The following SMYD3 variants were observed in gnomAD, a reference collection of about 807,000 sequenced individuals.
The protein encoded by SMYD3 is SET and MYND domain containing 3, also known as histone-lysine N-methyltransferase SMYD3.
SMYD3 carries 36 observed loss-of-function variants against 57.7 expected under a neutral mutation model. That is an observed-to-expected ratio of 0.62 (90% CI 0.48 to 0.82). The LOEUF (loss-of-function observed/expected upper bound fraction) is 0.82. Among genes scored for constraint, SMYD3 ranks in the 40% least tolerant of loss-of-function variants. The pLI is 0.00. For missense variants in SMYD3, 515 were observed against 538.8 expected (o/e 0.96, Z 0.44); for synonymous variants, 211 against 195.0 (o/e 1.08, Z -0.68).
Position 246,506,851 on chromosome 1 carries a change from G to A in SMYD3, c.164+203C>T, listed in dbSNP as rs1046815513. 5.3e-5 allele frequency among the ~76,000 whole-genome samples: 8 copies of A among 152,154 alleles called. No homozygotes were observed. In the East Asian group the frequency reaches 7.8e-4, roughly 15 times the overall value. On this transcript the variant is annotated intron_variant, in intron 1 of 11. Coordinates refer to ENST00000490107, the MANE Select transcript of SMYD3 (RefSeq NM_001167740.2). ...GCCTGGGCCCCCTCCCAGCCCCGCTGCGGCAACCTAGGGGGGTGTCCGGGC... is the reference window on the plus strand; with the variant it reads ...GCCTGGGCCCCCTCCCAGCCCCGCTACGGCAACCTAGGGGGGTGTCCGGGC...
chr1:246,326,175 G>A, intron 5 of SMYD3: 2 of 406,988 alleles, frequency 4.9e-6, no homozygotes, highest in Non-Finnish European at 8.7e-6. Flanking sequence ...AATATTAATG[G>A]CATAAATATA....
intron 5 of SMYD3, among the ~76,000 whole-genome samples, chr1:246,039,808 G>A (rs1167437519): frequency 6.6e-6 from 1 of 152,130 alleles, no homozygotes; most frequent in Admixed American, 6.5e-5. Context: ...AAGGGCGCAG[G>A]TTCAGTACTC....
intron 5 of SMYD3, among the ~76,000 whole-genome samples, chr1:246,118,808 C>G (rs1055332056): frequency 1.1e-5 from 1 of 90,848 alleles, no homozygotes; most frequent in African/African-American, 4.9e-5. Flanking sequence ...GTATGAGGCA[C>G]GTGCTTTTTT....
chr1:245,802,575 C>T (rs965031144), intron 10 of SMYD3, among the ~76,000 whole-genome samples: 2 of 152,190 alleles, frequency 1.3e-5, no homozygotes, highest in African/African-American at 2.4e-5. Flanking sequence ...AACCATGCTT[C>T]AGCTACCCCT....
At chr1:245,955,851 T>C in intron 5 of SMYD3, 1 of 768,286 alleles carries the variant, frequency 1.3e-6, no homozygotes, top group South Asian at 6.0e-5. Context: ...TCATACTGCA[T>C]TGATGATTTT....
At chr1:246,016,203 G>A (rs1041103156) in intron 5 of SMYD3, among the ~76,000 whole-genome samples, 10 of 151,348 alleles carry the variant, frequency 6.6e-5, no homozygotes, top group Non-Finnish European at 1.0e-4. Flanking sequence ...GGAGTTCAAG[G>A]CCAGCCTGGG....
intron 10 of SMYD3, among the ~76,000 whole-genome samples, chr1:245,823,225 A>C (rs977112023): frequency 6.6e-6 from 1 of 152,194 alleles, no homozygotes; most frequent in Non-Finnish European, 1.5e-5. Context: ...TCTCTTCTAC[A>C]TTGTTCAGGA....
At chr1:246,266,351 G>A (rs12029350) in intron 5 of SMYD3, among the ~76,000 whole-genome samples, 31,096 of 151,840 alleles carry the variant, frequency 0.2, 3,951 homozygotes, top group East Asian at 0.57. Flanking sequence ...CAAACTGCGT[G>A]ACAGAATTAA....
chr1:246,095,919 TC>T (rs1353692075), intron 5 of SMYD3, among the ~76,000 whole-genome samples: 1 of 152,046 alleles, frequency 6.6e-6, no homozygotes, highest in Non-Finnish European at 1.5e-5. Flanking sequence ...GGCCTGAACA[TC>T]AACTTCAACT....
intron 5 of SMYD3, among the ~76,000 whole-genome samples, chr1:246,029,875 TCA>T (rs2059640062): frequency 6.6e-6 from 1 of 151,794 alleles, no homozygotes; most frequent in Non-Finnish European, 1.5e-5. Context: ...AAAAGGGAAC[TCA>T]CACACTGTTG....
At chr1:246,399,344 T>C (rs1479006072) in intron 1 of SMYD3, among the ~76,000 whole-genome samples, 1 of 151,440 alleles carries the variant, frequency 6.6e-6, no homozygotes, top group African/African-American at 2.4e-5. Flanking sequence ...TTTTTATTTA[T>C]TTATTTTTGA....
At chr1:246,356,135 C>T (rs1418428437) in intron 1 of SMYD3, among the ~76,000 whole-genome samples, 3 of 35,494 alleles carry the variant, frequency 8.5e-5, no homozygotes, top group East Asian at 2.9e-4. Flanking sequence ...AGCAGTCACT[C>T]CCCAGTACCA....
At chr1:246,183,357 T>C (rs992669630) in intron 5 of SMYD3, among the ~76,000 whole-genome samples, 1 of 151,970 alleles carries the variant, frequency 6.6e-6, no homozygotes, top group African/African-American at 2.4e-5. Context: ...TACAGTTTAC[T>C]GGATGCCATT....
At position 246,298,695 on chromosome 1, in the gene SMYD3, C is replaced by T. The variant is rs1249653767; in HGVS notation, c.531+28506G>A. Among the ~76,000 whole-genome samples, 3 of 151,894 alleles carry T rather than the reference C, an allele frequency of 2.0e-5. No individual in the cohort carries two copies. The East Asian group carries it at 5.8e-4, about 29-fold the overall frequency. Reference sequence around the variant, plus strand: ...GGACCATCAAGAATATGCAACACTCCCTGTATATTATACTTCATCATATAA... The same window carrying T: ...GGACCATCAAGAATATGCAACACTCTCTGTATATTATACTTCATCATATAA... On this transcript the variant is annotated intron_variant, in intron 5 of 11. Coordinates refer to ENST00000490107, the MANE Select transcript of SMYD3 (RefSeq NM_001167740.2).
chr1:245,816,142 G>A (rs2048789337), intron 10 of SMYD3, among the ~76,000 whole-genome samples: 1 of 152,168 alleles, frequency 6.6e-6, no homozygotes, highest in Non-Finnish European at 1.5e-5. Flanking sequence ...AATAAATAAA[G>A]AAGCTCCTAC....
intron 10 of SMYD3, among the ~76,000 whole-genome samples, chr1:245,824,036 A>G (rs1220612550): frequency 6.6e-6 from 1 of 152,168 alleles, no homozygotes; most frequent in African/African-American, 2.4e-5. Flanking sequence ...TTTTTGTTAC[A>G]TACCAGCTTC....
chr1:246,437,617 T>C (rs2067398913), intron 1 of SMYD3, among the ~76,000 whole-genome samples: 1 of 152,246 alleles, frequency 6.6e-6, no homozygotes, highest in Admixed American at 6.5e-5. Context: ...CAATTTTGTT[T>C]TTATTAATGC....
chr1:246,046,289 G>A (rs1408851949), intron 5 of SMYD3, among the ~76,000 whole-genome samples: 1 of 152,144 alleles, frequency 6.6e-6, no homozygotes, highest in African/African-American at 2.4e-5. Context: ...GGAATACTAT[G>A]CAGCCATAAA....
At chr1:245,834,876 T>C (rs1029603215) in intron 10 of SMYD3, among the ~76,000 whole-genome samples, 1 of 152,182 alleles carries the variant, frequency 6.6e-6, no homozygotes, top group East Asian at 1.9e-4. Context: ...CATAAGCGCA[T>C]AGGGCCATCC....
Sources: gnomAD v4.1 joint callset for allele counts (sites outside exome capture counted in the v4.1 genomes callset) on GRCh38, gnomAD v4.1.1 for gene constraint, MANE v1.5 for transcripts, NCBI Gene and HGNC (gene_info 2026-07-23, HGNC 2026-07-21) for gene names.